Variants in ATAD2B observed in about 807,000 individuals in gnomAD.
ATAD2B encodes the protein ATPase family AAA domain containing 2B, also known as ATPase family AAA domain-containing protein 2B.
A neutral mutation model predicts 167.6 loss-of-function variants in ATAD2B; 40 were observed. The observed-to-expected ratio is 0.24, with a 90% CI of 0.19 to 0.31. The LOEUF (loss-of-function observed/expected upper bound fraction) is 0.31, where lower values mean the gene tolerates loss of function less well. Among genes scored for constraint, ATAD2B ranks in the 10% least tolerant of loss-of-function variants. The pLI is 1.00. For synonymous variants in ATAD2B, 579 were observed against 596.5 expected, an observed-to-expected ratio of 0.97 and a Z score of 0.43; for missense variants, 1,242 against 1,757.2, an observed-to-expected ratio of 0.71 and a Z score of 5.24.
At chr2:23,909,282 T>C (rs894454196) in intron 1 of ATAD2B, among the ~76,000 whole-genome samples, 10 of 151,942 alleles carry the variant, frequency 6.6e-5, no homozygotes, top group African/African-American at 2.2e-4. Context: ...TGGTGGCACA[T>C]GCCTGTAGTC....
At chr2:23,925,521 G>A (rs753157313) in intron 1 of ATAD2B, among the ~76,000 whole-genome samples, 1 of 152,140 alleles carries the variant, frequency 6.6e-6, no homozygotes, top group Non-Finnish European at 1.5e-5. Context: ...CATTTTAAAT[G>A]AACAGCTTTT....
chr2:23,923,143 C>T (rs1311059549), intron 1 of ATAD2B, among the ~76,000 whole-genome samples: 1 of 152,140 alleles, frequency 6.6e-6, no homozygotes, highest in Non-Finnish European at 1.5e-5. Flanking sequence ...ACGTGGTGTA[C>T]ATGTGTGCAT....
At chr2:23,752,403 CTT>C (rs1013444827) in intron 27 of ATAD2B, among the ~76,000 whole-genome samples, 12 of 147,704 alleles carry the variant, frequency 8.1e-5, no homozygotes, top group Non-Finnish European at 1.7e-4. Context: ...GATAGCAACA[CTT>C]AATGAGTAAG....
chr2:23,743,056 C>G, the ATAD2B span, among the ~76,000 whole-genome samples: 1 of 151,400 alleles, frequency 6.6e-6, no homozygotes, highest in African/African-American at 2.4e-5. Flanking sequence ...AGAAAAGCAC[C>G]GACTTCTCAG....
At chr2:23,696,117 C>T in the ATAD2B span, 1 of 1,551,520 alleles carries the variant, frequency 6.4e-7, no homozygotes. The surrounding 1 kb of genome is among the most constrained non-coding windows in gnomAD (Gnocchi z 5.5). Context: ...GTGCAGGGGA[C>T]AACATCTACC....
intron 24 of ATAD2B, among the ~76,000 whole-genome samples, chr2:23,760,181 G>A (rs149936180): frequency 1.3e-5 from 2 of 152,130 alleles, no homozygotes; most frequent in African/African-American, 2.4e-5. Flanking sequence ...TTGGGAAGTA[G>A]GACTGGAGGT....
At chr2:23,711,338 CTTTCTTTTTTTTTTTTTT>C in the ATAD2B span, among the ~76,000 whole-genome samples, 2 of 45,622 alleles carry the variant, frequency 4.4e-5, no homozygotes, top group South Asian at 8.1e-4. Flanking sequence ...CACAGAATTT[CTTTCTTTTTTTTTTTTTT>C]TTTTTTTTTT....
intron 18 of ATAD2B, among the ~76,000 whole-genome samples, chr2:23,807,406 A>C (rs1283707837): frequency 6.6e-6 from 1 of 152,200 alleles, no homozygotes; most frequent in Non-Finnish European, 1.5e-5. Context: ...CTCTTGCCTC[A>C]AAAGAGTTGA....
At chr2:23,742,495 A>G in the ATAD2B span, among the ~76,000 whole-genome samples, 2 of 145,680 alleles carry the variant, frequency 1.4e-5, no homozygotes, top group Non-Finnish European at 3.0e-5. Flanking sequence ...ATAGGTGGGA[A>G]TTGAACAATG....
chr2:23,681,777 C>T, the ATAD2B span, among the ~76,000 whole-genome samples: 1 of 152,134 alleles, frequency 6.6e-6, no homozygotes, highest in East Asian at 1.9e-4. The surrounding 1 kb of genome is among the most constrained non-coding windows in gnomAD (Gnocchi z 4.2). Context: ...CCTCCCCTAC[C>T]GCTTCACTCA....
chr2:23,770,195 A>C (rs1678110079), intron 22 of ATAD2B, among the ~76,000 whole-genome samples: 1 of 151,868 alleles, frequency 6.6e-6, no homozygotes, highest in African/African-American at 2.4e-5. Context: ...GTGTGCCTAC[A>C]ATCTCAGCTA....
chr2:23,787,262 T>A (rs1680966989), intron 20 of ATAD2B, among the ~76,000 whole-genome samples: 1 of 152,010 alleles, frequency 6.6e-6, no homozygotes, highest in South Asian at 2.1e-4. Context: ...AGAATTAAAA[T>A]TCTAAGAATT....
At chr2:23,777,041 G>A (rs1172499102) in intron 22 of ATAD2B, among the ~76,000 whole-genome samples, 1 of 152,112 alleles carries the variant, frequency 6.6e-6, no homozygotes, top group East Asian at 1.9e-4. Flanking sequence ...CAATCTGACT[G>A]ATGTCCTTAC....
rs183633846 is a variant in ATAD2B at position 23,919,934 on chromosome 2, T to C, written c.216+6621A>G. Among the ~76,000 whole-genome samples the C allele has an allele frequency of 4.1e-3, 619 of 151,916 alleles. 5 individuals carry two copies. The highest frequency in any genetic ancestry group is 5.0e-3 in the Non-Finnish European group (340 of 67,982). Reference sequence around the variant, plus strand: ...CGGAGGCCGAGGCAGGCAGATCACCTGAGGTCAGGATTTCAAGACCAGCCT... The same window carrying C: ...CGGAGGCCGAGGCAGGCAGATCACCCGAGGTCAGGATTTCAAGACCAGCCT... On this transcript the variant is annotated intron_variant, in intron 1 of 27. Transcript: ENST00000238789.
chr2:23,693,442 A>G, the ATAD2B span: 1 of 1,551,694 alleles, frequency 6.4e-7, no homozygotes, highest in Non-Finnish European at 8.7e-7. Context: ...CTACGTCTCC[A>G]ACGACAGCCT....
rs149707064 is a variant in ATAD2B, at chr2:23,766,258, A to G, written c.3134-630T>C. ...ACTAAAAGAGGAGCCTCTGCTTCAC[A>G]CTAATCCAGAAGTTCCCATTCATAA... On this transcript the variant is annotated intron_variant, in intron 22 of 27. Coordinates refer to ENST00000238789, the MANE Select transcript of ATAD2B (RefSeq NM_017552.4). Among the ~76,000 whole-genome samples the G allele has an allele frequency of 2.2e-3, 340 of 152,344 alleles. 2 individuals carry two copies. The highest frequency in any genetic ancestry group is 8.0e-3 in the African/African-American group (331 of 41,582).
chr2:23,703,781 G>A, the ATAD2B span: 1 of 1,537,412 alleles, frequency 6.5e-7, no homozygotes, highest in Non-Finnish European at 8.7e-7. Flanking sequence ...CGGGGCTTAT[G>A]CCAGAGCTAC....
chr2:23,731,681 A>G, the ATAD2B span, among the ~76,000 whole-genome samples: 1 of 152,216 alleles, frequency 6.6e-6, no homozygotes, highest in Non-Finnish European at 1.5e-5. Flanking sequence ...ATATTATTTC[A>G]ATGCAATCAA....
the ATAD2B span, among the ~76,000 whole-genome samples, chr2:23,714,431 A>G: frequency 0.83 from 121,511 of 145,652 alleles, 52,750 homozygotes; most frequent in East Asian, 1. Flanking sequence ...TAGTAGAGAC[A>G]GGGTTTCACT....
Sources: allele counts gnomAD v4.1 joint callset (sites outside exome capture counted in the v4.1 genomes callset), GRCh38; gene constraint gnomAD v4.1.1; non-coding constraint Gnocchi (gnomAD v3.1); transcripts MANE v1.5; gene names NCBI Gene and HGNC (gene_info 2026-07-23, HGNC 2026-07-21).